TRDMT1: variants seen among roughly 807,000 people sequenced by gnomAD.
The protein encoded by TRDMT1 is tRNA aspartic acid methyltransferase 1.
TRDMT1 carries 49 observed loss-of-function variants against 51.2 expected under a neutral mutation model. That is an observed-to-expected ratio of 0.96 (90% CI 0.76 to 1.21). TRDMT1 has a LOEUF of 1.21. TRDMT1 is among the 50% of genes most tolerant of loss of function. The pLI is 0.00. For synonymous variants in TRDMT1, 187 were observed against 164.6 expected (o/e 1.14, Z -1.04); for missense variants, 534 against 462.3 (o/e 1.16, Z -1.42).
At position 17,143,860 on chromosome 10, in the gene TRDMT1, T is replaced by A. The variant is rs748499699; in HGVS notation, c.*5180A>T. On this transcript the variant is annotated 3_prime_UTR_variant, in exon 11 of 11. Transcript: ENST00000377799. ...ACTAACCGTACCATAAATATTAAAG[T>A]CAAGAGTGGAACTGACTATAGAATG... 36 of 985,232 alleles carry A rather than the reference T, an allele frequency of 3.7e-5. No individual in the cohort carries two copies. The highest frequency in any genetic ancestry group is 4.2e-5 in the Non-Finnish European group (35 of 829,932). The allele number at this position is 985,232 out of a possible 1,614,324, so 61.0% of individuals were successfully genotyped here. A position where few individuals can be genotyped will look rare whatever the true frequency, so the allele number is the denominator to read the frequency against.
At chr10:17,197,148 G>C (rs1324388898) in intron 1 of TRDMT1, among the ~76,000 whole-genome samples, 2 of 152,022 alleles carry the variant, frequency 1.3e-5, no homozygotes, top group Non-Finnish European at 2.9e-5. Flanking sequence ...ATGTTAGCTA[G>C]AGTGGATTCT....
rs1449724872 is a variant in TRDMT1, at chr10:17,144,092, A to C, written c.*4948T>G. 36 of 985,338 alleles carry C rather than the reference A, an allele frequency of 3.7e-5. No individual in the cohort carries two copies. Among genetic ancestry groups the C allele is most frequent in the Non-Finnish European group, 4.2e-5 (35 of 829,952 alleles). 61.0% of individuals were successfully genotyped at this position (985,338 alleles called of 1,614,324 possible). A position where few individuals can be genotyped will look rare whatever the true frequency, so the allele number is the denominator to read the frequency against. ...AATCTCTAAGAAAAATGGCATGAAA[A>C]GTGAAGGGTAGAAAGAGACCTGAGG... On this transcript the variant is annotated 3_prime_UTR_variant, in exon 11 of 11. Coordinates refer to ENST00000377799, the MANE Select transcript of TRDMT1 (RefSeq NM_004412.7).
chr10:17,169,582 T>C, intron 2 of TRDMT1: 2 of 1,253,396 alleles, frequency 1.6e-6, no homozygotes, highest in Non-Finnish European at 2.1e-6. Flanking sequence ...ACGTCAGGGG[T>C]TTGCCAACTC....
rs562236695 is a variant in TRDMT1 at position 17,153,524 on chromosome 10, C to A, written c.1058G>T (p.Gly353Val). 1 of 1,613,972 alleles carries A rather than the reference C, an allele frequency of 6.2e-7. No individual in the cohort carries two copies. The highest frequency in any genetic ancestry group is 8.5e-7 in the Non-Finnish European group (1 of 1,179,952). ...FTPKEIANLLGFPPEFGFPEK... is the reference protein window; with the variant it reads ...FTPKEIANLLVFPPEFGFPEK... Reference sequence around the variant, plus strand: ...CCACATACCGAACTCTGGAGGAAATCCAAGGAGATTTGCTATTTCTTTAGG... The same window carrying A: ...CCACATACCGAACTCTGGAGGAAATACAAGGAGATTTGCTATTTCTTTAGG... The change falls in exon 10 of 11, where the codon GGA becomes GTA. Residue 353 changes from glycine to valine, a missense_variant. Transcript: ENST00000377799.
intron 1 of TRDMT1, among the ~76,000 whole-genome samples, chr10:17,181,698 A>G (rs919107688): frequency 8.0e-6 from 1 of 124,588 alleles, no homozygotes; most frequent in African/African-American, 2.9e-5. Flanking sequence ...AACACCTACA[A>G]TGAAGTTCCC....
At chr10:17,163,238 C>G (rs542231727) in intron 3 of TRDMT1, among the ~76,000 whole-genome samples, 1 of 152,186 alleles carries the variant, frequency 6.6e-6, no homozygotes, top group East Asian at 1.9e-4. Context: ...AAGAAAGATT[C>G]ACAACATGAC....
In TRDMT1 at chr10:17,140,037, CTTTTTTTT is replaced by C. The variant is rs758336473; in HGVS notation, c.*8995_*9002del. ...TATTCTTCCAGTAACATCTAGTGTG[CTTTTTTTT>C]TTTTTTTTTTTTTTTTTTGAGACAG... On this transcript the variant is annotated 3_prime_UTR_variant, in exon 11 of 11. Transcript: ENST00000377799. 1.0e-3 allele frequency among the ~76,000 whole-genome samples: 22 copies of C among 21,922 alleles called. No homozygotes were observed. The highest frequency in any genetic ancestry group is 8.8e-3 in the South Asian group (4 of 452). 14.4% of individuals were successfully genotyped at this position (21,922 alleles called of 152,430 possible).
At chr10:17,159,606 G>T (rs1840029533) in intron 6 of TRDMT1, among the ~76,000 whole-genome samples, 1 of 152,010 alleles carries the variant, frequency 6.6e-6, no homozygotes, top group Non-Finnish European at 1.5e-5. Context: ...GTTAAAAAAG[G>T]ATGATACACT....
Position 17,144,560 on chromosome 10 carries a change from T to C in TRDMT1, c.*4480A>G. ...ATGTGGCTGAAAGTAAGACTCAGAA[T>C]CTATGGTAAATATAAAGCCAATGTA... On this transcript the variant is annotated 3_prime_UTR_variant, in exon 11 of 11. Transcript: ENST00000377799. The C allele has an allele frequency of 1.0e-6, 1 of 985,716 alleles. No individual in the cohort carries two copies. Among genetic ancestry groups the C allele is most frequent in the Non-Finnish European group, 1.2e-6 (1 of 829,922 alleles). The allele number at this position is 985,716 out of a possible 1,614,324, so 61.1% of individuals were successfully genotyped here. A position where few individuals can be genotyped will look rare whatever the true frequency, so the allele number is the denominator to read the frequency against.
At chr10:17,171,708 A>G (rs1842047169) in intron 2 of TRDMT1, 1 of 152,174 alleles carries the variant, frequency 6.6e-6, no homozygotes, top group African/African-American at 2.4e-5. Flanking sequence ...CTCCGATTAC[A>G]TTATTATTTC....
intron 1 of TRDMT1, among the ~76,000 whole-genome samples, chr10:17,187,184 T>A: frequency 6.6e-6 from 1 of 152,208 alleles, no homozygotes; most frequent in East Asian, 1.9e-4. Flanking sequence ...ACTCCATAGT[T>A]ATGTACTGAA....
intron 1 of TRDMT1, among the ~76,000 whole-genome samples, chr10:17,181,063 C>G (rs57094675): frequency 6.6e-6 from 1 of 151,918 alleles, no homozygotes; most frequent in East Asian, 1.9e-4. Context: ...CTTCAATAAC[C>G]AAACATCAAA....
chr10:17,198,677 C>A (rs920598757), intron 1 of TRDMT1, among the ~76,000 whole-genome samples: 1 of 152,158 alleles, frequency 6.6e-6, no homozygotes, highest in African/African-American at 2.4e-5. Context: ...TTAACAGGTA[C>A]AGAGCTCTGT....
At position 17,161,504 on chromosome 10, in the gene TRDMT1, C is replaced by T. The variant is rs1300719441; in HGVS notation, c.368G>A (p.Gly123Asp). The T allele has an allele frequency of 7.4e-7, 1 of 1,359,040 alleles. No individual in the cohort carries two copies. Among genetic ancestry groups the T allele is most frequent in the Non-Finnish European group, 9.9e-7 (1 of 1,006,260 alleles). 84.2% of individuals were successfully genotyped at this position (1,359,040 alleles called of 1,614,324 possible). Reference sequence around the variant, plus strand: ...TTACCTTGTAGAAGATACTTCAAAACCTTTAACATTTTCCAAAAGAATATA... The same window carrying T: ...TTACCTTGTAGAAGATACTTCAAAATCTTTAACATTTTCCAAAAGAATATA... ...PKYILLENVK[G>D]FEVSSTRDLL... The change falls in exon 5 of 11, where the codon GGT becomes GAT. Residue 123 changes from glycine (G) to aspartate (D), a missense_variant. Transcript: ENST00000377799.
intron 2 of TRDMT1, among the ~76,000 whole-genome samples, chr10:17,170,104 G>T (rs1453207731): frequency 4.6e-5 from 7 of 152,080 alleles, no homozygotes; most frequent in Non-Finnish European, 1.5e-5. Flanking sequence ...TTATTCCAGG[G>T]GCATCCTATG....
rs1837913690 is a variant in TRDMT1, at chr10:17,144,182, C to T, written c.*4858G>A. 2 of 985,602 alleles carry T rather than the reference C, an allele frequency of 2.0e-6. No homozygotes were observed. Among genetic ancestry groups the T allele is most frequent in the Non-Finnish European group, 2.4e-6 (2 of 829,978 alleles). The allele number at this position is 985,602 out of a possible 1,614,324, so 61.1% of individuals were successfully genotyped here. On this transcript the variant is annotated 3_prime_UTR_variant, in exon 11 of 11. Coordinates refer to ENST00000377799, the MANE Select transcript of TRDMT1 (RefSeq NM_004412.7). The stretch of plus-strand genomic sequence containing the variant: ...TCTTTTTCTCTTTCTCTCTTTCACT[C>T]TCATCCTCTGACCCTCTAGGTGATC...
chr10:17,159,017 T>C, intron 7 of TRDMT1, 129 bp downstream of exon 7: 1 of 521,524 alleles, frequency 1.9e-6, no homozygotes, highest in East Asian at 3.4e-5. Flanking sequence ...TAGGGCATGG[T>C]CTATACTTTA....
chr10:17,190,695 C>T (rs1458080404), intron 1 of TRDMT1, among the ~76,000 whole-genome samples: 1 of 152,170 alleles, frequency 6.6e-6, no homozygotes, highest in African/African-American at 2.4e-5. Context: ...TAAGTTTAAA[C>T]TTATCACAGA....
chr10:17,169,528 G>A, intron 2 of TRDMT1: 1 of 1,289,762 alleles, frequency 7.8e-7, no homozygotes. Context: ...ACTGTGCTGT[G>A]TTGCTCCTTT....
Sources: gnomAD v4.1 joint callset for allele counts (sites outside exome capture counted in the v4.1 genomes callset) on GRCh38, gnomAD v4.1.1 for gene constraint, MANE v1.5 for transcripts, NCBI Gene and HGNC (gene_info 2026-07-23, HGNC 2026-07-21) for gene names.